Variants in GLG1 observed in about 807,000 individuals in gnomAD.
GLG1 encodes Golgi apparatus protein 1.
A neutral mutation model predicts 160.5 loss-of-function variants in GLG1; 38 were observed. The ratio of observed to expected loss-of-function variants is 0.24; its 90% CI spans 0.18 to 0.31. The LOEUF (loss-of-function observed/expected upper bound fraction) is 0.31. Ranked by LOEUF, GLG1 falls within the 10% of genes least tolerant of loss-of-function variation. The pLI is 1.00. For synonymous variants in GLG1, 644 were observed against 543.4 expected, an observed-to-expected ratio of 1.19 and a Z score of -2.57; for missense variants, 1,373 against 1,505.2, an observed-to-expected ratio of 0.91 and a Z score of 1.45.
chr16:74,536,697 GTTTTAACGTAT>G (rs1052435386), intron 1 of GLG1, among the ~76,000 whole-genome samples: 22 of 152,100 alleles, frequency 1.4e-4, no homozygotes, highest in Non-Finnish European at 2.9e-4. Context: ...TTTAATTTAT[GTTTTAACGTAT>G]TTTTATAATG....
At chr16:74,485,509 C>T (rs189799600) in intron 9 of GLG1, among the ~76,000 whole-genome samples, 35 of 152,220 alleles carry the variant, frequency 2.3e-4, no homozygotes, top group East Asian at 2.1e-3. Context: ...TTAATTTGAT[C>T]GTGATATAAA....
chr16:74,514,714 A>G (rs1308377906), intron 2 of GLG1, among the ~76,000 whole-genome samples: 2 of 152,236 alleles, frequency 1.3e-5, no homozygotes, highest in African/African-American at 2.4e-5. Flanking sequence ...CATTGACACT[A>G]TGAAGAGACT....
chr16:74,537,272 G>C (rs1282864890), intron 1 of GLG1, among the ~76,000 whole-genome samples: 4 of 152,114 alleles, frequency 2.6e-5, no homozygotes, highest in Admixed American at 2.6e-4. Flanking sequence ...AGCAAACAAA[G>C]GCAGTAAAGG....
rs140684501 is a variant in GLG1 at position 74,470,697 on chromosome 16, C to T, written c.2229+476G>A. On this transcript the variant is annotated intron_variant, in intron 15 of 25. Coordinates refer to ENST00000422840, the MANE Select transcript of GLG1 (RefSeq NM_001145667.2). ...TCCTGACCTCAGGTGATCAGCCTGC[C>T]ACAGCCTCCCAAAGTGCTGGAATTA... Among the ~76,000 whole-genome samples the T allele has an allele frequency of 7.6e-3, 1,163 of 152,166 alleles. 19 individuals are homozygous for T. The highest frequency in any genetic ancestry group is 0.027 in the African/African-American group (1,116 of 41,512).
At position 74,451,636 on chromosome 16, in the gene GLG1, G is replaced by A. The variant is rs532734526; in HGVS notation, c.*1531C>T. 23 of 185,644 alleles carry A rather than the reference G, an allele frequency of 1.2e-4. No homozygotes were observed. The highest frequency in any genetic ancestry group is 5.8e-4 in the South Asian group (5 of 8,692). 11.5% of individuals were successfully genotyped at this position (185,644 alleles called of 1,614,324 possible). On this transcript the variant is annotated 3_prime_UTR_variant, in exon 26 of 26. Coordinates refer to ENST00000422840, the MANE Select transcript of GLG1 (RefSeq NM_001145667.2). ...AGGCACGTGATTTATAATACTTTGT[G>A]GACATCTAACAGGTTAATAAAATAT...
chr16:74,567,444 T>A (rs1455683647), intron 1 of GLG1, among the ~76,000 whole-genome samples: 1 of 152,034 alleles, frequency 6.6e-6, no homozygotes, highest in Non-Finnish European at 1.5e-5. Context: ...AACATTGGGG[T>A]TTCCTAGGAC....
At chr16:74,499,010 T>G (rs2016313815) in intron 4 of GLG1, among the ~76,000 whole-genome samples, 1 of 152,134 alleles carries the variant, frequency 6.6e-6, no homozygotes, top group Non-Finnish European at 1.5e-5. Flanking sequence ...TCCAAGTGTT[T>G]CCATGAAAGC....
chr16:74,582,643 A>T (rs1204450118), intron 1 of GLG1, among the ~76,000 whole-genome samples: 1 of 151,340 alleles, frequency 6.6e-6, no homozygotes, highest in Non-Finnish European at 1.5e-5. Context: ...ACACAGTGAA[A>T]CCCTGTCTCT....
intron 1 of GLG1, among the ~76,000 whole-genome samples, chr16:74,592,948 G>A (rs1958217840): frequency 6.6e-6 from 1 of 152,138 alleles, no homozygotes; most frequent in Non-Finnish European, 1.5e-5. Flanking sequence ...TCTCATGAAT[G>A]GATTAATGCC....
chr16:74,475,267 C>T (rs1445872501), intron 12 of GLG1, among the ~76,000 whole-genome samples: 1 of 151,670 alleles, frequency 6.6e-6, no homozygotes, highest in Non-Finnish European at 1.5e-5. Flanking sequence ...AAAACCTTAT[C>T]AGGCCTTGAT....
In GLG1 at chr16:74,573,817, G is replaced by A. The variant is rs559305948; in HGVS notation, c.438+32840C>T. Among the ~76,000 whole-genome samples the A allele has an allele frequency of 1.2e-4, 18 of 149,640 alleles. No individual in the cohort carries two copies. The East Asian group carries it at 2.9e-3, about 25-fold the overall frequency. ...TAGCGTCTTTTTTTTTTTTTTAAAC[G>A]GGGTCTCACTCTGTCACCCAGACTG... On this transcript the variant is annotated intron_variant, in intron 1 of 25. Transcript: ENST00000422840.
At chr16:74,520,149 C>A (rs1208142941) in intron 2 of GLG1, among the ~76,000 whole-genome samples, 5 of 152,176 alleles carry the variant, frequency 3.3e-5, no homozygotes, top group Non-Finnish European at 5.9e-5. Context: ...AGACATTCAT[C>A]TTGCAGTCTT....
chr16:74,540,977 A>G (rs1463791121), intron 1 of GLG1, among the ~76,000 whole-genome samples: 2 of 152,170 alleles, frequency 1.3e-5, no homozygotes, highest in African/African-American at 4.8e-5. Flanking sequence ...CAAAAAGGTC[A>G]TATTTCTGAA....
At chr16:74,560,955 G>GA (rs11431059) in intron 1 of GLG1, among the ~76,000 whole-genome samples, 83,642 of 152,136 alleles carry the variant, frequency 0.55, 23,917 homozygotes, top group East Asian at 0.8. Context: ...TGTTTGCTGA[G>GA]AAAAAAAGTT....
intron 4 of GLG1, among the ~76,000 whole-genome samples, chr16:74,497,008 G>A (rs2016214405): frequency 1.3e-5 from 2 of 152,080 alleles, no homozygotes; most frequent in African/African-American, 4.8e-5. Context: ...GCCAGGCATG[G>A]TGGCTCATGT....
intron 2 of GLG1, among the ~76,000 whole-genome samples, chr16:74,531,859 T>C (rs1270588745): frequency 6.6e-6 from 1 of 152,202 alleles, no homozygotes; most frequent in Non-Finnish European, 1.5e-5. Context: ...AGTTGTAAAC[T>C]TGATAAGCAG....
In GLG1 at chr16:74,606,853, T is replaced by C; in HGVS notation, c.242A>G (p.Gln81Arg). 1 of 1,598,360 alleles carries C rather than the reference T, an allele frequency of 6.3e-7. No homozygotes were observed. The highest frequency in any genetic ancestry group is 1.3e-5 in the African/African-American group (1 of 74,808). ...CTGCGGCGGCTGAGGCTGCTGTTGC[T>C]GTTGCTGCTGCTGCTGTTGCTGCTG... The part of the protein sequence containing the change: ...QLQQQQQQQQ[Q>R]QQQPQPPQPP... Residue 81 changes from glutamine to arginine, a missense_variant, in exon 1 of 26, where the codon CAG (glutamine) becomes CGG (arginine). Around this residue, in one of 4 missense-constraint regions of GLG1, gnomAD observed 322 missense variants for 254.6 expected, o/e 1.26. Coordinates refer to ENST00000422840, the MANE Select transcript of GLG1 (RefSeq NM_001145667.2).
chr16:74,602,034 T>C (rs886644773), intron 1 of GLG1, among the ~76,000 whole-genome samples: 1 of 152,124 alleles, frequency 6.6e-6, no homozygotes, highest in Non-Finnish European at 1.5e-5. Context: ...ATAGTCATTA[T>C]CAACAGTGAG....
intron 1 of GLG1, among the ~76,000 whole-genome samples, chr16:74,595,848 G>A (rs1229559351): frequency 2.0e-5 from 3 of 152,108 alleles, no homozygotes; most frequent in Non-Finnish European, 4.4e-5. Context: ...ATTGGGCCAG[G>A]TACAGTGGCT....
Sources: allele counts gnomAD v4.1 joint callset (sites outside exome capture counted in the v4.1 genomes callset), GRCh38; gene constraint gnomAD v4.1.1; regional missense constraint gnomAD v4.1.1; transcripts MANE v1.5; gene names NCBI Gene and HGNC (gene_info 2026-07-23, HGNC 2026-07-21).